The following UBN1 variants were observed in gnomAD, a reference collection of about 807,000 sequenced individuals.
UBN1 encodes the protein ubinuclein 1.
A neutral mutation model predicts 108.5 loss-of-function variants in UBN1; 17 were observed. The observed-to-expected ratio is 0.16, with a 90% CI of 0.11 to 0.24. UBN1 has a LOEUF of 0.24. UBN1 is among the 10% of genes least tolerant of loss of function. The probability of loss-of-function intolerance (pLI) is 1.00; values close to 1 mark genes in which losing one functional copy is unlikely to be tolerated. For synonymous variants in UBN1, 726 were observed against 564.2 expected (o/e 1.29, Z -4.07); for missense variants, 1,595 against 1,394.4 (o/e 1.14, Z -2.29).
chr16:4,858,971 C>T (rs1437760973), intron 4 of UBN1, 54 bp from the exon 5 acceptor site: 1 of 1,598,622 alleles, frequency 6.3e-7, no homozygotes. Context: ...CCACTTTGCA[C>T]CTTCGGACTG....
At chr16:4,878,803 G>T (rs568486866) in intron 17 of UBN1, among the ~76,000 whole-genome samples, 1 of 152,300 alleles carries the variant, frequency 6.6e-6, no homozygotes, top group African/African-American at 2.4e-5. Flanking sequence ...CTGAGTCCAG[G>T]AGTTCAAGAC....
chr16:4,854,969 G>A (rs1026120900), intron 2 of UBN1, among the ~76,000 whole-genome samples: 21 of 151,992 alleles, frequency 1.4e-4, no homozygotes, highest in African/African-American at 4.1e-4. Context: ...TGATCCGCCC[G>A]TCTCTGCCTC....
Position 4,858,634 on chromosome 16 carries a change from T to G in UBN1, c.403T>G (p.Ser135Ala). ...CGATATGGGGTATGGTTATGATGAATCCGACTCCTTCATCGATAACTCTGA... is the reference window on the plus strand; with the variant it reads ...CGATATGGGGTATGGTTATGATGAAGCCGACTCCTTCATCGATAACTCTGA... Reference protein sequence around the residue: ...LIDMGYGYDESDSFIDNSEAY... With the variant: ...LIDMGYGYDEADSFIDNSEAY... The change falls in exon 4 of 18, where the codon TCC (serine) becomes GCC (alanine). Residue 135 changes from serine to alanine, a missense_variant. Physicochemically the swap from Ser to Ala is moderately conservative, Grantham distance 99 (BLOSUM62 1). Coordinates refer to ENST00000262376, the MANE Select transcript of UBN1 (RefSeq NM_001079514.3). The G allele has an allele frequency of 6.2e-7, 1 of 1,614,166 alleles. No individual in the cohort carries two copies. The highest frequency in any genetic ancestry group is 8.5e-7 in the Non-Finnish European group (1 of 1,180,022).
At chr16:4,872,542 C>T (rs2087697998) in intron 12 of UBN1, among the ~76,000 whole-genome samples, 2 of 152,202 alleles carry the variant, frequency 1.3e-5, no homozygotes, top group Non-Finnish European at 1.5e-5. Flanking sequence ...GATCTCGGCT[C>T]ACTGCAACCT....
chr16:4,880,915 C>A lies in UBN1; in HGVS notation c.*783C>A, dbSNP rs753215693. On this transcript the variant is annotated 3_prime_UTR_variant, in exon 18 of 18. Coordinates refer to ENST00000262376, the MANE Select transcript of UBN1 (RefSeq NM_001079514.3). ...TGGAGCAGAATTCGACAACACATGT[C>A]CATTCAGCCCTCTGAATGGATCTGA... 8 of 152,504 alleles carry A rather than the reference C, an allele frequency of 5.2e-5. No individual in the cohort carries two copies. The East Asian group carries it at 1.5e-3, about 29-fold the overall frequency. The allele number at this position is 152,504 out of a possible 1,614,324, so 9.4% of individuals were successfully genotyped here.
intron 7 of UBN1, among the ~76,000 whole-genome samples, chr16:4,861,652 C>T (rs1259960175): frequency 6.6e-6 from 1 of 152,138 alleles, no homozygotes; most frequent in Admixed American, 6.5e-5. Flanking sequence ...CCATTAAAAC[C>T]CACCATCGGC....
At chr16:4,868,676 C>T (rs2087455315) in intron 7 of UBN1, among the ~76,000 whole-genome samples, 157 bp from the exon 8 acceptor site, 1 of 152,140 alleles carries the variant, frequency 6.6e-6, no homozygotes, top group African/African-American at 2.4e-5. Context: ...TGATCGCAGG[C>T]GAACTTAACC....
chr16:4,861,655 C>G (rs2142177711), intron 7 of UBN1, among the ~76,000 whole-genome samples: 1 of 152,320 alleles, frequency 6.6e-6, no homozygotes, highest in East Asian at 1.9e-4. Flanking sequence ...TTAAAACCCA[C>G]CATCGGCAGG....
intron 1 of UBN1, chr16:4,852,420 G>C (rs1469713357): frequency 6.4e-6 from 1 of 156,804 alleles, no homozygotes; most frequent in Non-Finnish European, 1.4e-5. Context: ...ACTATCCTGG[G>C]GTAGGCAATA....
chr16:4,875,790 G>C (rs1039344706), intron 15 of UBN1, among the ~76,000 whole-genome samples: 6 of 152,142 alleles, frequency 3.9e-5, no homozygotes, highest in Non-Finnish European at 2.9e-5. Flanking sequence ...TGGAAATGCT[G>C]TCTTCTATCA....
chr16:4,870,576 G>C lies in UBN1; in HGVS notation c.1372G>C (p.Glu458Gln), dbSNP rs2087579606. The change falls in exon 10 of 18, where the codon GAG (glutamate) becomes CAG (glutamine). Residue 458 changes from glutamate to glutamine, a missense_variant. By Grantham distance (29) the Glu-to-Gln change is conservative. Transcript: ENST00000262376. ...GGAAGCCATTGGCAGGGCGATGCCAGAGCAGATGGCCAAGTACCAGGACGA... is the reference window on the plus strand; with the variant it reads ...GGAAGCCATTGGCAGGGCGATGCCACAGCAGATGGCCAAGTACCAGGACGA... Reference protein sequence around the residue: ...LKEAIGRAMPEQMAKYQDECQ... With the variant: ...LKEAIGRAMPQQMAKYQDECQ... The C allele has an allele frequency of 6.2e-7, 1 of 1,614,256 alleles. No homozygotes were observed. The highest frequency in any genetic ancestry group is 8.5e-7 in the Non-Finnish European group (1 of 1,180,040).
intron 2 of UBN1, 119 bp downstream of exon 2, chr16:4,853,285 C>A (rs187434764): frequency 1.5e-6 from 2 of 1,360,006 alleles, no homozygotes; most frequent in Non-Finnish European, 2.0e-6. Context: ...CCCCAAGATC[C>A]TGTCACTCAC....
At chr16:4,866,192 A>G (rs1206436564) in intron 7 of UBN1, among the ~76,000 whole-genome samples, 2 of 152,210 alleles carry the variant, frequency 1.3e-5, no homozygotes, top group Non-Finnish European at 2.9e-5. Context: ...GTGCTAAGGT[A>G]GAATTCTGAA....
At position 4,875,157 on chromosome 16, in the gene UBN1, G is replaced by C; in HGVS notation, c.2747G>C (p.Gly916Ala). 2 of 1,614,210 alleles carry C rather than the reference G, an allele frequency of 1.2e-6. No homozygotes were observed. Among genetic ancestry groups the C allele is most frequent in the Non-Finnish European group, 1.7e-6 (2 of 1,180,042 alleles). ...ATCTCCAAACATGGGGTTTCTTCTGGCAGCTCTTCCTCGGGAGGAACACCA... is the reference window on the plus strand; with the variant it reads ...ATCTCCAAACATGGGGTTTCTTCTGCCAGCTCTTCCTCGGGAGGAACACCA... ...SSISKHGVSS[G>A]SSSSGGTPVQ... is the part of the protein sequence containing the mutation. The change falls in exon 15 of 18, where the codon GGC (glycine) becomes GCC (alanine). Residue 916 changes from glycine (G) to alanine (A), a missense_variant. This residue lies in a region of UBN1 where 1,398 missense variants were observed against 1,194.7 expected (regional missense o/e 1.17). Coordinates refer to ENST00000262376, the MANE Select transcript of UBN1 (RefSeq NM_001079514.3).
chr16:4,863,011 G>T (rs2087143090), intron 7 of UBN1, among the ~76,000 whole-genome samples: 1 of 152,190 alleles, frequency 6.6e-6, no homozygotes, highest in South Asian at 2.1e-4. Context: ...TGATATTCGA[G>T]TCTTCACATT....
intron 1 of UBN1, among the ~76,000 whole-genome samples, chr16:4,848,556 C>T (rs2086335075): frequency 6.6e-6 from 1 of 152,302 alleles, no homozygotes; most frequent in Admixed American, 6.5e-5. Context: ...TTAGAGATTT[C>T]GGTTGCAAGT....
At chr16:4,849,797 A>T (rs1463398787) in intron 1 of UBN1, among the ~76,000 whole-genome samples, 1 of 151,564 alleles carries the variant, frequency 6.6e-6, no homozygotes, top group African/African-American at 2.4e-5. Context: ...AAGTCTCATC[A>T]TGTTGTCCAG....
intron 1 of UBN1, among the ~76,000 whole-genome samples, chr16:4,851,975 C>T (rs143347015): frequency 2.3e-3 from 350 of 152,208 alleles, no homozygotes; most frequent in Non-Finnish European, 4.1e-3. Flanking sequence ...ATATCAAGAG[C>T]GCTTACAAGT....
chr16:4,864,351 T>C (rs570475484), intron 7 of UBN1, among the ~76,000 whole-genome samples: 3 of 152,336 alleles, frequency 2.0e-5, no homozygotes, highest in Non-Finnish European at 2.9e-5. Context: ...AAATTAGATA[T>C]ATCTTCTAAC....
Sources: gnomAD v4.1 joint callset for allele counts (sites outside exome capture counted in the v4.1 genomes callset) on GRCh38, gnomAD v4.1.1 for gene constraint, gnomAD v4.1.1 regional missense constraint, MANE v1.5 for transcripts, NCBI Gene and HGNC (gene_info 2026-07-23, HGNC 2026-07-21) for gene names.